The following CTNNA1 variants were observed in gnomAD, a reference collection of about 807,000 sequenced individuals.
CTNNA1 encodes catenin alpha 1.
Under a neutral mutation model 98.4 loss-of-function variants are expected in CTNNA1, and 37 were observed. That is an observed-to-expected ratio of 0.38 (90% CI 0.29 to 0.49). The LOEUF (loss-of-function observed/expected upper bound fraction) is 0.49. Among genes scored for constraint, CTNNA1 ranks in the 20% least tolerant of loss-of-function variants. The pLI, the probability that CTNNA1 is intolerant of heterozygous loss-of-function variation, is 0.95. For missense variants in CTNNA1, 761 were observed against 1,147.2 expected (o/e 0.66, Z 4.86); for synonymous variants, 404 against 413.2 (o/e 0.98, Z 0.27).
intron 5 of CTNNA1, 76 bp from the exon 6 acceptor site, chr5:138,824,454 A>G: frequency 6.6e-7 from 1 of 1,505,330 alleles, no homozygotes; most frequent in Non-Finnish European, 9.0e-7. Flanking sequence ...ACTTTTCAGC[A>G]TTTACCAGCA....
chr5:138,880,939 A>G (rs1327830432), intron 7 of CTNNA1: 4 of 425,654 alleles, frequency 9.4e-6, no homozygotes, highest in South Asian at 3.4e-5. Flanking sequence ...TGGCAAGGAA[A>G]AAAAAAAACA....
At chr5:138,773,179 C>G (rs1237448995) in intron 1 of CTNNA1, among the ~76,000 whole-genome samples, 2 of 152,156 alleles carry the variant, frequency 1.3e-5, no homozygotes, top group Non-Finnish European at 2.9e-5. Context: ...TCATGATGTT[C>G]AGCGTCATTC....
intron 7 of CTNNA1, chr5:138,871,865 T>C (rs1750673988): frequency 6.6e-6 from 1 of 152,166 alleles, no homozygotes; most frequent in African/African-American, 2.4e-5. Flanking sequence ...TTTTTCATGG[T>C]TCCTTTGTAA....
intron 5 of CTNNA1, among the ~76,000 whole-genome samples, chr5:138,812,939 C>T (rs138616504): frequency 3.3e-5 from 5 of 152,190 alleles, no homozygotes; most frequent in Non-Finnish European, 5.9e-5. Flanking sequence ...CTTCTTATAT[C>T]TTTCATAGTC....
At chr5:138,917,234 A>C (rs1353593740) in intron 10 of CTNNA1, among the ~76,000 whole-genome samples, 1 of 152,244 alleles carries the variant, frequency 6.6e-6, no homozygotes, top group Non-Finnish European at 1.5e-5. Flanking sequence ...GAAATGCCAC[A>C]TTTTTATCAC....
chr5:138,826,770 G>T lies in CTNNA1; in HGVS notation c.859-745G>T, dbSNP rs555968969. Reference sequence around the variant, plus strand: ...ATGCATTTCTTTCTGAAACTTTAAGGTTAGAGATCAGTTTGTATGTGTGCG... The same window carrying T: ...ATGCATTTCTTTCTGAAACTTTAAGTTTAGAGATCAGTTTGTATGTGTGCG... On this transcript the variant is annotated intron_variant, in intron 6 of 17. Coordinates refer to ENST00000302763, the MANE Select transcript of CTNNA1 (RefSeq NM_001903.5). 2.6e-5 allele frequency among the ~76,000 whole-genome samples: 4 copies of T among 152,278 alleles called. No homozygotes were observed. The South Asian group carries it at 6.2e-4, about 24-fold the overall frequency.
chr5:138,875,272 A>G (rs879577385), intron 7 of CTNNA1: 46 of 459,100 alleles, frequency 1.0e-4, no homozygotes, highest in Non-Finnish European at 1.3e-4. Context: ...TGTTGCAGAG[A>G]AGAGCTCCTG....
chr5:138,887,626 C>G lies in CTNNA1; in HGVS notation c.1280C>G (p.Ala427Gly). The part of the protein sequence containing the change: ...KEYAQVFREH[A>G]NKLIEVANLA... Reference sequence around the variant, plus strand: ...TATGCCCAAGTTTTCCGTGAACATGCCAACAAATTGATTGAGGTAAGTGAA... The same window carrying G: ...TATGCCCAAGTTTTCCGTGAACATGGCAACAAATTGATTGAGGTAAGTGAA... Residue 427 changes from alanine to glycine, a missense_variant, in exon 9 of 18, where the codon GCC (alanine) becomes GGC (glycine). Coordinates refer to ENST00000302763, the MANE Select transcript of CTNNA1 (RefSeq NM_001903.5). The G allele has an allele frequency of 6.2e-7, 1 of 1,609,432 alleles. No homozygotes were observed. The highest frequency in any genetic ancestry group is 2.2e-5 in the East Asian group (1 of 44,670).
intron 7 of CTNNA1, among the ~76,000 whole-genome samples, chr5:138,860,967 C>T (rs1265127084): frequency 1.3e-5 from 2 of 152,086 alleles, no homozygotes; most frequent in African/African-American, 4.8e-5. Flanking sequence ...TTTTTTTCCT[C>T]CTGGTAAATT....
chr5:138,845,595 A>G (rs967165713), intron 7 of CTNNA1, among the ~76,000 whole-genome samples: 6 of 148,714 alleles, frequency 4.0e-5, no homozygotes, highest in Non-Finnish European at 7.4e-5. Context: ...AGCAGCATGC[A>G]TTTGTGTGTG....
Position 138,874,510 on chromosome 5 carries a change from T to G in CTNNA1, c.1063-11702T>G. The G allele has an allele frequency of 6.2e-7, 1 of 1,601,174 alleles. No individual in the cohort carries two copies. Among genetic ancestry groups the G allele is most frequent in the Non-Finnish European group, 8.5e-7 (1 of 1,172,088 alleles). Reference sequence around the variant, plus strand: ...TTTTTAAAACCATACTCATTGCATATATTGCTGCCAGCATAGGGGCCCCTA... The same window carrying G: ...TTTTTAAAACCATACTCATTGCATAGATTGCTGCCAGCATAGGGGCCCCTA... On this transcript the variant is annotated intron_variant, in intron 7 of 17. Coordinates refer to ENST00000302763, the MANE Select transcript of CTNNA1 (RefSeq NM_001903.5). The surrounding 1 kb of genome is among the most constrained non-coding windows in gnomAD (Gnocchi z 4.1).
intron 7 of CTNNA1, among the ~76,000 whole-genome samples, chr5:138,882,660 A>G (rs1302850916): frequency 1.3e-5 from 2 of 152,220 alleles, no homozygotes; most frequent in East Asian, 1.9e-4. Flanking sequence ...ATCCCTTCCA[A>G]ACTGGCAAGG....
intron 3 of CTNNA1, among the ~76,000 whole-genome samples, chr5:138,795,630 A>G (rs1756879405): frequency 6.6e-6 from 1 of 152,166 alleles, no homozygotes. Flanking sequence ...AGTTTTGGGC[A>G]TTCATTAAAT....
intron 7 of CTNNA1, among the ~76,000 whole-genome samples, chr5:138,857,231 A>G (rs1763805075): frequency 6.6e-6 from 1 of 152,148 alleles, no homozygotes; most frequent in Non-Finnish European, 1.5e-5. Flanking sequence ...TTTGGTCATC[A>G]TATCCTAGCC....
intron 15 of CTNNA1, 75 bp from the exon 16 acceptor site, chr5:138,930,755 G>T (rs1036367683): frequency 6.3e-5 from 96 of 1,533,172 alleles, no homozygotes; most frequent in Non-Finnish European, 8.3e-5. Context: ...GGGGCTTTGT[G>T]GACAATCTTC....
intron 7 of CTNNA1, among the ~76,000 whole-genome samples, chr5:138,867,682 G>C (rs1485564064): frequency 6.6e-6 from 1 of 151,910 alleles, no homozygotes; most frequent in Non-Finnish European, 1.5e-5. Flanking sequence ...GAAGGATGAA[G>C]GCCTTTATGG....
chr5:138,776,055 T>TTTTTTTTTTTTTTTTTTTG, intron 1 of CTNNA1, among the ~76,000 whole-genome samples: 1 of 146,650 alleles, frequency 6.8e-6, no homozygotes, highest in Non-Finnish European at 1.5e-5. Context: ...TTTTTTTTTT[T>TTTTTTTTTTTTTTTTTTTG]TTTTTTTTAT....
intron 7 of CTNNA1, among the ~76,000 whole-genome samples, chr5:138,833,030 T>C (rs553433291): frequency 4.6e-5 from 7 of 152,332 alleles, no homozygotes; most frequent in South Asian, 4.1e-4. Context: ...GTTTTTCCAA[T>C]AGTAGAATTT....
intron 1 of CTNNA1, among the ~76,000 whole-genome samples, chr5:138,780,407 A>T (rs1207171032): frequency 6.6e-6 from 1 of 151,128 alleles, no homozygotes; most frequent in Non-Finnish European, 1.5e-5. Flanking sequence ...GTTAGGCAGG[A>T]TGGTCTCAAT....
Sources: allele counts gnomAD v4.1 joint callset (sites outside exome capture counted in the v4.1 genomes callset), GRCh38; gene constraint gnomAD v4.1.1; non-coding constraint Gnocchi (gnomAD v3.1); transcripts MANE v1.5; gene names NCBI Gene and HGNC (gene_info 2026-07-23, HGNC 2026-07-21).